Variants in TRAPPC9 observed in about 807,000 individuals in gnomAD.
TRAPPC9 encodes IKK2 binding protein.
Under a neutral mutation model 124.0 loss-of-function variants are expected in TRAPPC9, and 83 were observed. That is an observed-to-expected ratio of 0.67 (90% CI 0.56 to 0.80). The LOEUF (loss-of-function observed/expected upper bound fraction) is 0.80, where lower values mean the gene tolerates loss of function less well. TRAPPC9 is among the 30% of genes least tolerant of loss of function. The pLI is 0.00. For synonymous variants in TRAPPC9, 638 were observed against 617.5 expected (o/e 1.03, Z -0.49); for missense variants, 1,302 against 1,508.3 (o/e 0.86, Z 2.27).
chr8:139,757,488 G>A (rs1819927535), intron 21 of TRAPPC9, among the ~76,000 whole-genome samples: 1 of 151,746 alleles, frequency 6.6e-6, no homozygotes, highest in Non-Finnish European at 1.5e-5. Context: ...CAGGGTTTGG[G>A]GATGAGGACA....
At chr8:140,333,877 C>G (rs2066963483) in intron 9 of TRAPPC9, among the ~76,000 whole-genome samples, 2 of 152,160 alleles carry the variant, frequency 1.3e-5, no homozygotes, top group Non-Finnish European at 2.9e-5. Flanking sequence ...GAATTTATAG[C>G]CCTTCCCAGT....
At chr8:140,296,249 G>T (rs79822183) in intron 11 of TRAPPC9, among the ~76,000 whole-genome samples, 55 of 152,256 alleles carry the variant, frequency 3.6e-4, no homozygotes, top group African/African-American at 1.3e-3. Flanking sequence ...TTTCACAAAA[G>T]GAATCTTTGA....
intron 17 of TRAPPC9, among the ~76,000 whole-genome samples, chr8:140,143,359 A>G (rs756339659): frequency 2.6e-5 from 4 of 151,688 alleles, no homozygotes; most frequent in Non-Finnish European, 4.4e-5. Flanking sequence ...TATCAGTGGG[A>G]CTCACTCTTA....
At chr8:140,265,150 A>G (rs2064589496) in intron 15 of TRAPPC9, among the ~76,000 whole-genome samples, 1 of 150,432 alleles carries the variant, frequency 6.6e-6, no homozygotes, top group Non-Finnish European at 1.5e-5. Context: ...CCTATTCCAC[A>G]TACACAGAAG....
intron 9 of TRAPPC9, among the ~76,000 whole-genome samples, chr8:140,326,728 T>A (rs539000873): frequency 1.3e-5 from 2 of 151,502 alleles, no homozygotes; most frequent in East Asian, 2.0e-4. Context: ...AAAAAAAAAA[T>A]AAATTAGCTG....
intron 8 of TRAPPC9, among the ~76,000 whole-genome samples, chr8:140,362,180 ATCCAT>A (rs1375526867): frequency 6.6e-6 from 1 of 152,182 alleles, no homozygotes; most frequent in African/African-American, 2.4e-5. Context: ...TTTATGTCTT[ATCCAT>A]TCAAGTGTCC....
chr8:139,944,818 T>G (rs2131463607), intron 19 of TRAPPC9, among the ~76,000 whole-genome samples: 1 of 152,224 alleles, frequency 6.6e-6, no homozygotes, highest in East Asian at 1.9e-4. Flanking sequence ...AGACAGAGAT[T>G]GTTACAATAG....
At chr8:139,857,200 G>C (rs1055136199) in intron 21 of TRAPPC9, among the ~76,000 whole-genome samples, 1 of 152,186 alleles carries the variant, frequency 6.6e-6, no homozygotes, top group Non-Finnish European at 1.5e-5. Flanking sequence ...GGGAGCGGTG[G>C]AGCGCCAGGA....
intron 21 of TRAPPC9, among the ~76,000 whole-genome samples, chr8:139,831,094 C>CCT (rs1360612645): frequency 1.3e-5 from 2 of 152,198 alleles, no homozygotes; most frequent in African/African-American, 4.8e-5. Flanking sequence ...GAAGGAGCTC[C>CCT]CTGTGGGCAC....
intron 9 of TRAPPC9, among the ~76,000 whole-genome samples, chr8:140,323,064 C>G (rs756436031): frequency 2.0e-5 from 3 of 152,280 alleles, no homozygotes; most frequent in South Asian, 2.1e-4. Flanking sequence ...AGAGCCCCAC[C>G]ACGGGGGACG....
intron 17 of TRAPPC9, among the ~76,000 whole-genome samples, chr8:140,077,283 G>A (rs1843565491): frequency 1.3e-5 from 2 of 152,178 alleles, no homozygotes; most frequent in Admixed American, 1.3e-4. Flanking sequence ...CAGGGATCAT[G>A]GTTCACTTGT....
chr8:140,291,832 C>T (rs769139509), intron 11 of TRAPPC9, among the ~76,000 whole-genome samples: 23 of 152,224 alleles, frequency 1.5e-4, no homozygotes, highest in Non-Finnish European at 2.5e-4. Flanking sequence ...GGCCTAAGAG[C>T]AGCCTCTGGG....
chr8:139,815,530 G>A (rs1281699811), intron 21 of TRAPPC9, among the ~76,000 whole-genome samples: 1 of 152,110 alleles, frequency 6.6e-6, no homozygotes, highest in East Asian at 1.9e-4. Context: ...TGGGATTACA[G>A]ACTTGCGCCA....
At position 140,343,321 on chromosome 8, in the gene TRAPPC9, C is replaced by T. The variant is rs144568448; in HGVS notation, c.1495+16729G>A. Reference sequence around the variant, plus strand: ...GGGCTGAAGCCCATGGCATGCATATCAGCCTCGGCATTTTTCTTTTCATTA... The same window carrying T: ...GGGCTGAAGCCCATGGCATGCATATTAGCCTCGGCATTTTTCTTTTCATTA... On this transcript the variant is annotated intron_variant, in intron 9 of 22. Coordinates refer to ENST00000438773, the MANE Select transcript of TRAPPC9 (RefSeq NM_001160372.4). Among the ~76,000 whole-genome samples the T allele has an allele frequency of 3.8e-3, 584 of 152,328 alleles. 4 individuals carry two copies. The highest frequency in any genetic ancestry group is 0.013 in the African/African-American group (549 of 41,574).
At chr8:140,024,766 C>T (rs995807426) in intron 17 of TRAPPC9, among the ~76,000 whole-genome samples, 19 of 150,940 alleles carry the variant, frequency 1.3e-4, no homozygotes, top group Admixed American at 2.7e-4. Context: ...GGCCTAAACA[C>T]GGCATTTTAG....
At chr8:140,134,342 C>A (rs1035994672) in intron 17 of TRAPPC9, among the ~76,000 whole-genome samples, 1 of 152,118 alleles carries the variant, frequency 6.6e-6, no homozygotes, top group African/African-American at 2.4e-5. Flanking sequence ...TCTTGACTCA[C>A]TGCAACCTCC....
At chr8:139,954,350 T>C (rs1834847104) in intron 19 of TRAPPC9, among the ~76,000 whole-genome samples, 1 of 152,184 alleles carries the variant, frequency 6.6e-6, no homozygotes, top group Non-Finnish European at 1.5e-5. Flanking sequence ...GTAATTCATA[T>C]GTTGTACGCT....
At chr8:139,903,684 C>T (rs969077384) in intron 20 of TRAPPC9, among the ~76,000 whole-genome samples, 3 of 152,322 alleles carry the variant, frequency 2.0e-5, no homozygotes, top group Non-Finnish European at 2.9e-5. Flanking sequence ...CACTCGGCAT[C>T]GCGCAGCTGA....
At chr8:140,212,562 AT>A (rs147901687) in intron 17 of TRAPPC9, among the ~76,000 whole-genome samples, 1,878 of 151,960 alleles carry the variant, frequency 0.012, 37 homozygotes, top group African/African-American at 0.043. Context: ...CTCTTTGGGG[AT>A]TTTTTTCCCC....
Sources: gnomAD v4.1 joint callset for allele counts (sites outside exome capture counted in the v4.1 genomes callset) on GRCh38, gnomAD v4.1.1 for gene constraint, MANE v1.5 for transcripts, NCBI Gene and HGNC (gene_info 2026-07-23, HGNC 2026-07-21) for gene names.